The following TSPAN9 variants were observed in gnomAD, a reference collection of about 807,000 sequenced individuals.
The protein encoded by TSPAN9 is tetraspanin 9.
TSPAN9 carries 16 observed loss-of-function variants against 31.0 expected under a neutral mutation model. That is an observed-to-expected ratio of 0.52 (90% CI 0.35 to 0.78). TSPAN9 has a LOEUF of 0.78. Among genes scored for constraint, TSPAN9 ranks in the 30% least tolerant of loss-of-function variants. The pLI, the probability that TSPAN9 is intolerant of heterozygous loss-of-function variation, is 0.01. For synonymous variants in TSPAN9, 145 were observed against 121.6 expected, an observed-to-expected ratio of 1.19 and a Z score of -1.27; for missense variants, 272 against 312.5, an observed-to-expected ratio of 0.87 and a Z score of 0.98.
chr12:3,161,772 AATCTATCTATCT>A (rs79768137), intron 2 of TSPAN9, among the ~76,000 whole-genome samples: 172 of 150,350 alleles, frequency 1.1e-3, no homozygotes, highest in Middle Eastern at 6.8e-3. Context: ...CTTGGGTTGA[AATCTATCTATCT>A]ATCTATCTAT....
intron 2 of TSPAN9, among the ~76,000 whole-genome samples, chr12:3,091,721 C>G (rs1406019334): frequency 6.6e-6 from 1 of 152,188 alleles, no homozygotes. Flanking sequence ...TTATTGTCTC[C>G]CTGCTCCCCC....
chr12:3,245,209 G>C (rs617123), intron 3 of TSPAN9, among the ~76,000 whole-genome samples: 2 of 152,072 alleles, frequency 1.3e-5, no homozygotes, highest in African/African-American at 4.8e-5. Flanking sequence ...GTGAGCAGGT[G>C]CCTGGACCAA....
At chr12:3,253,887 A>G (rs1862299078) in intron 3 of TSPAN9, among the ~76,000 whole-genome samples, 1 of 152,074 alleles carries the variant, frequency 6.6e-6, no homozygotes. Flanking sequence ...AAGCCCCAGA[A>G]CCCCAGGTGC....
chr12:3,255,492 C>T (rs1862328893), intron 3 of TSPAN9, among the ~76,000 whole-genome samples: 1 of 152,248 alleles, frequency 6.6e-6, no homozygotes, highest in African/African-American at 2.4e-5. Context: ...CCCACTCAGC[C>T]CTTTGCCACC....
chr12:3,177,573 C>T (rs2098356483), intron 2 of TSPAN9, among the ~76,000 whole-genome samples: 1 of 152,198 alleles, frequency 6.6e-6, no homozygotes, highest in Admixed American at 6.5e-5. Context: ...GCTGGGATTA[C>T]AGGTGACTGC....
chr12:3,218,754 A>G (rs1402668316), intron 3 of TSPAN9, among the ~76,000 whole-genome samples: 4 of 152,178 alleles, frequency 2.6e-5, no homozygotes, highest in Admixed American at 2.6e-4. Flanking sequence ...GCAGTGATTA[A>G]GACATCACCA....
intron 2 of TSPAN9, among the ~76,000 whole-genome samples, chr12:3,177,241 C>G (rs2098356253): frequency 6.6e-6 from 1 of 151,414 alleles, no homozygotes; most frequent in African/African-American, 2.4e-5. Context: ...GGGTTCACAC[C>G]ATTCTCCTGC....
At chr12:3,201,370 T>A in intron 3 of TSPAN9, 114 bp downstream of exon 3, 1 of 1,039,556 alleles carries the variant, frequency 9.6e-7, no homozygotes, top group Non-Finnish European at 1.4e-6. Flanking sequence ...TGCACAGTGG[T>A]AAGTGTGCTT....
chr12:3,087,104 T>C (rs2098300930), intron 2 of TSPAN9, among the ~76,000 whole-genome samples: 1 of 152,102 alleles, frequency 6.6e-6, no homozygotes, highest in Non-Finnish European at 1.5e-5. Flanking sequence ...CATGTGTGGG[T>C]GTTAGTGACT....
chr12:3,112,639 C>CGT (rs2098319653), intron 2 of TSPAN9, among the ~76,000 whole-genome samples: 1 of 139,146 alleles, frequency 7.2e-6, no homozygotes, highest in South Asian at 2.4e-4. Context: ...TGATCTTTTA[C>CGT]ATATATATTT....
intron 3 of TSPAN9, among the ~76,000 whole-genome samples, chr12:3,254,750 A>G (rs1479735493): frequency 6.6e-6 from 1 of 152,222 alleles, no homozygotes; most frequent in East Asian, 1.9e-4. Context: ...TGGGTCGTCA[A>G]GGGCTCTGTT....
chr12:3,276,669 C>T (rs754995356), intron 3 of TSPAN9, among the ~76,000 whole-genome samples: 3 of 152,186 alleles, frequency 2.0e-5, no homozygotes, highest in Non-Finnish European at 4.4e-5. Flanking sequence ...TTCTTCGTGG[C>T]GCATGTCAGC....
At chr12:3,153,846 A>G (rs746667221) in intron 2 of TSPAN9, among the ~76,000 whole-genome samples, 24 of 103,938 alleles carry the variant, frequency 2.3e-4, no homozygotes, top group African/African-American at 6.5e-4. Context: ...TTATATATAT[A>G]TGTGTGTGTG....
At chr12:3,257,845 C>T (rs1188171579) in intron 3 of TSPAN9, among the ~76,000 whole-genome samples, 1 of 152,164 alleles carries the variant, frequency 6.6e-6, no homozygotes, top group Non-Finnish European at 1.5e-5. Flanking sequence ...TTCATTCCTT[C>T]TGTTTCTTTT....
chr12:3,256,306 A>T (rs1390138930), intron 3 of TSPAN9, among the ~76,000 whole-genome samples: 1 of 152,220 alleles, frequency 6.6e-6, no homozygotes, highest in Admixed American at 6.5e-5. Flanking sequence ...GGCCCCGCTG[A>T]GCGCAGCACT....
intron 2 of TSPAN9, among the ~76,000 whole-genome samples, chr12:3,155,119 A>T (rs532099868): frequency 6.6e-6 from 1 of 152,316 alleles, no homozygotes; most frequent in East Asian, 1.9e-4. Context: ...AAAAAATTAA[A>T]ACGTGATGCG....
chr12:3,094,469 A>G, intron 2 of TSPAN9, among the ~76,000 whole-genome samples: 1 of 152,180 alleles, frequency 6.6e-6, no homozygotes, highest in East Asian at 1.9e-4. Context: ...GCTTTAAAGA[A>G]ACACCTAAGG....
At chr12:3,109,299 T>TGTGTGTGTGTGTGTGAGA (rs1274383200) in intron 2 of TSPAN9, among the ~76,000 whole-genome samples, 3 of 118,352 alleles carry the variant, frequency 2.5e-5, no homozygotes, top group African/African-American at 1.4e-4. Flanking sequence ...TGTGTGTGTG[T>TGTGTGTGTGTGTGTGAGA]GAGAGAGAGT....
intron 2 of TSPAN9, among the ~76,000 whole-genome samples, chr12:3,135,414 A>G (rs7980339): frequency 0.43 from 64,833 of 151,962 alleles, 14,222 homozygotes; most frequent in Admixed American, 0.53. Context: ...ACAGGGGTGT[A>G]TGAGGCACAC....
Sources: gnomAD v4.1 joint callset for allele counts (sites outside exome capture counted in the v4.1 genomes callset) on GRCh38, gnomAD v4.1.1 for gene constraint, MANE v1.5 for transcripts, NCBI Gene and HGNC (gene_info 2026-07-23, HGNC 2026-07-21) for gene names.